PLSCR2: variants seen among roughly 807,000 people sequenced by gnomAD.
PLSCR2 encodes phospholipid scramblase 2.
In PLSCR2, 18 loss-of-function variants were observed where a neutral mutation model predicts 25.3. The ratio of observed to expected loss-of-function variants is 0.71; its 90% CI spans 0.49 to 1.06. The LOEUF (loss-of-function observed/expected upper bound fraction) is 1.06. Among genes scored for constraint, PLSCR2 ranks in the 50% least tolerant of loss-of-function variants. PLSCR2 has a pLI of 0.00. For missense variants in PLSCR2, 243 were observed against 269.5 expected (o/e 0.90, Z 0.69); for synonymous variants, 88 against 87.3 (o/e 1.01, Z -0.04).
At chr3:146,487,365 G>T (rs1365045269) in intron 1 of PLSCR2, among the ~76,000 whole-genome samples, 1 of 152,092 alleles carries the variant, frequency 6.6e-6, no homozygotes, top group Non-Finnish European at 1.5e-5. Flanking sequence ...AGGAAGAGAG[G>T]AAGTCAAATT....
chr3:146,447,128 C>T (rs923627601), intron 6 of PLSCR2, among the ~76,000 whole-genome samples: 1 of 152,142 alleles, frequency 6.6e-6, no homozygotes, highest in African/African-American at 2.4e-5. Flanking sequence ...CCATAAATGC[C>T]ATCCAGGAGC....
chr3:146,416,183 C>A (rs1381299405), intron 2 of PLSCR2, among the ~76,000 whole-genome samples: 2 of 151,988 alleles, frequency 1.3e-5, no homozygotes, highest in African/African-American at 4.8e-5. Flanking sequence ...ATCTCCTGAC[C>A]TCATGATCCG....
intron 1 of PLSCR2, among the ~76,000 whole-genome samples, chr3:146,488,920 A>C (rs1017203246): frequency 6.6e-6 from 1 of 152,156 alleles, no homozygotes; most frequent in African/African-American, 2.4e-5. Context: ...ATCAACCCAA[A>C]TGCTCATCAA....
chr3:146,483,479 GTATATATATATA>G (rs56655616), intron 1 of PLSCR2, among the ~76,000 whole-genome samples: 69 of 54,832 alleles, frequency 1.3e-3, no homozygotes, highest in Middle Eastern at 0.014. Context: ...ATATACATGT[GTATATATATATA>G]TATATATATA....
upstream of PLSCR2, among the ~76,000 whole-genome samples, chr3:146,460,942 A>C (rs1433120369): frequency 6.6e-6 from 1 of 152,188 alleles, no homozygotes; most frequent in Non-Finnish European, 1.5e-5. Context: ...ACAATTTGTC[A>C]CTCTTAGATC....
upstream of PLSCR2, among the ~76,000 whole-genome samples, chr3:146,461,125 G>A: frequency 6.6e-6 from 1 of 152,136 alleles, no homozygotes; most frequent in Non-Finnish European, 1.5e-5. Context: ...TTGCAATGAT[G>A]CTTCATAAGC....
intron 2 of PLSCR2, chr3:146,415,018 A>G (rs1259194083): frequency 6.6e-6 from 1 of 152,610 alleles, no homozygotes; most frequent in Non-Finnish European, 1.5e-5. Context: ...TGCAAGGTTT[A>G]GCTTTCCTCA....
intron 2 of PLSCR2, among the ~76,000 whole-genome samples, chr3:146,459,361 A>T (rs2041418396): frequency 5.9e-5 from 9 of 152,204 alleles, no homozygotes; most frequent in Admixed American, 5.2e-4. Flanking sequence ...TCAGTATTGG[A>T]ATTAAAAAGC....
intron 1 of PLSCR2, among the ~76,000 whole-genome samples, chr3:146,477,156 C>G (rs1005767891): frequency 6.6e-6 from 1 of 152,210 alleles, no homozygotes; most frequent in Admixed American, 6.5e-5. Context: ...GTCTGCAGCT[C>G]TCAGCGTGAT....
At chr3:146,491,650 T>C (rs2043556138) in intron 1 of PLSCR2, among the ~76,000 whole-genome samples, 1 of 152,190 alleles carries the variant, frequency 6.6e-6, no homozygotes, top group Non-Finnish European at 1.5e-5. Flanking sequence ...TTGTTAATGC[T>C]TCCAATTGCA....
At chr3:146,410,768 A>G (rs1017225372) in intron 2 of PLSCR2, among the ~76,000 whole-genome samples, 2 of 152,218 alleles carry the variant, frequency 1.3e-5, no homozygotes, top group African/African-American at 4.8e-5. Flanking sequence ...CAGTTATAAC[A>G]GTTTTCCTGT....
At chr3:146,478,133 T>C (rs1184735350) in intron 1 of PLSCR2, among the ~76,000 whole-genome samples, 1 of 151,690 alleles carries the variant, frequency 6.6e-6, no homozygotes, top group Non-Finnish European at 1.5e-5. Context: ...AACGCAAAGA[T>C]AGGGAGAAAC....
chr3:146,491,929 C>T (rs939482619), intron 1 of PLSCR2, among the ~76,000 whole-genome samples: 2 of 152,098 alleles, frequency 1.3e-5, no homozygotes, highest in African/African-American at 4.8e-5. Context: ...TTTCAGAGTT[C>T]CTGCACTGTC....
At chr3:146,426,341 T>C (rs765942300) in intron 2 of PLSCR2, among the ~76,000 whole-genome samples, 12 of 151,612 alleles carry the variant, frequency 7.9e-5, no homozygotes, top group African/African-American at 1.5e-4. Flanking sequence ...AAATCGTATA[T>C]GAAAATGTCT....
At chr3:146,437,638 T>C (rs1486369707), downstream of PLSCR2, among the ~76,000 whole-genome samples, 4 of 152,212 alleles carry the variant, frequency 2.6e-5, no homozygotes, top group African/African-American at 4.8e-5. Context: ...TCATTTTTTA[T>C]TGCATCTATT....
At position 146,483,463 on chromosome 3, in the gene PLSCR2, ATATATATATACATGTG is replaced by A. The variant is rs1560054866; in HGVS notation, c.-293+12416_-293+12431del. Among the ~76,000 whole-genome samples, 92 of 58,796 alleles carry A rather than the reference ATATATATATACATGTG, an allele frequency of 1.6e-3. 6 individuals carry two copies. The highest frequency in any genetic ancestry group is 5.5e-3 in the African/African-American group (70 of 12,772). The allele number at this position is 58,796 out of a possible 152,430, so 38.6% of individuals were successfully genotyped here. A position where few individuals can be genotyped will look rare whatever the true frequency, so the allele number is the denominator to read the frequency against. ...TATATACACATGTATGTATATATAT[ATATATATATACATGTG>A]TATATATATATATATATATATATAT... On this transcript the variant is annotated intron_variant, in intron 1 of 8. Coordinates refer to the PLSCR2 transcript ENST00000336685.
chr3:146,495,889 G>T, intron 1 of PLSCR2: 1 of 1,534,138 alleles, frequency 6.5e-7, no homozygotes, highest in South Asian at 1.2e-5. Context: ...ACATGTCATT[G>T]GCTACCTGGG....
At chr3:146,424,130 T>C (rs936413151) in intron 2 of PLSCR2, among the ~76,000 whole-genome samples, 2 of 100,304 alleles carry the variant, frequency 2.0e-5, no homozygotes, top group Non-Finnish European at 4.4e-5. Flanking sequence ...ATTTAAAGTA[T>C]TTAAAAAAAA....
At chr3:146,397,223 T>G (rs781302793) in intron 2 of PLSCR2, among the ~76,000 whole-genome samples, 8 of 152,156 alleles carry the variant, frequency 5.3e-5, no homozygotes, top group Admixed American at 2.0e-4. Flanking sequence ...GAAACAGGAT[T>G]AGGGTATTGC....
Sources: gnomAD v4.1 joint callset for allele counts (sites outside exome capture counted in the v4.1 genomes callset) on GRCh38, gnomAD v4.1.1 for gene constraint, MANE v1.5 for transcripts, NCBI Gene and HGNC (gene_info 2026-07-23, HGNC 2026-07-21) for gene names.